The following PKNOX2 variants were observed in gnomAD, a reference collection of about 807,000 sequenced individuals.
PKNOX2 encodes the protein PBX/knotted 1 homeobox 2.
A neutral mutation model predicts 53.1 loss-of-function variants in PKNOX2; 14 were observed. The observed-to-expected ratio is 0.26, with a 90% confidence interval of 0.17 to 0.41. The LOEUF is 0.41. PKNOX2 is among the 10% of genes least tolerant of loss of function. The pLI, the probability that PKNOX2 is intolerant of heterozygous loss-of-function variation, is 1.00. For missense variants in PKNOX2, 496 were observed against 602.8 expected, an observed-to-expected ratio of 0.82 and a Z score of 1.85; for synonymous variants, 257 against 242.8, an observed-to-expected ratio of 1.06 and a Z score of -0.54.
intron 1 of PKNOX2, among the ~76,000 whole-genome samples, chr11:125,193,254 T>C (rs571811450): frequency 1.3e-5 from 2 of 152,224 alleles, no homozygotes; most frequent in Non-Finnish European, 2.9e-5. Flanking sequence ...TGCTGTTGTA[T>C]ATAAACTGCT....
In PKNOX2 at chr11:125,431,197, G is replaced by A. The variant is rs769904454; in HGVS notation, c.1224G>A (p.Leu408=). 57 of 1,613,776 alleles carry A rather than the reference G, an allele frequency of 3.5e-5. No individual in the cohort carries two copies. The East Asian group carries it at 5.6e-4, about 16-fold the overall frequency. The change falls in exon 13 of 13, where the codon CTG becomes CTA. Residue 408 remains leucine (L), a synonymous_variant. Transcript: ENST00000298282. ...GSINLDNLQS[L]SSDSATMAMQ... ...TCAACTTGGACAACCTGCAGTCCCTGTCCTCAGACAGTGCCACCATGGCCA... is the reference window on the plus strand; with the variant it reads ...TCAACTTGGACAACCTGCAGTCCCTATCCTCAGACAGTGCCACCATGGCCA...
At chr11:125,231,233 C>G (rs1450329809) in intron 1 of PKNOX2, among the ~76,000 whole-genome samples, 2 of 152,218 alleles carry the variant, frequency 1.3e-5, no homozygotes, top group Non-Finnish European at 2.9e-5. Flanking sequence ...TAATCTTCCT[C>G]TTTACCTGGA....
intron 2 of PKNOX2, among the ~76,000 whole-genome samples, chr11:125,318,030 C>A (rs1949307877): frequency 6.6e-6 from 1 of 152,234 alleles, no homozygotes; most frequent in African/African-American, 2.4e-5. Context: ...CTTGCTGCTT[C>A]ACCTTGCACT....
In PKNOX2 at chr11:125,432,728, T is replaced by G. The variant is rs575244525; in HGVS notation, c.*1336T>G. 2 of 152,838 alleles carry G rather than the reference T, an allele frequency of 1.3e-5. No homozygotes were observed. The highest frequency in any genetic ancestry group is 3.9e-4 in the East Asian group (2 of 5,164). 9.5% of individuals were successfully genotyped at this position (152,838 alleles called of 1,614,324 possible). A position where few individuals can be genotyped will look rare whatever the true frequency, so the allele number is the denominator to read the frequency against. ...GTTGGCACCCTCTCCTCCGGTTCCCTCTCACCCCATGGCTGTGAATGACAG... is the reference window on the plus strand; with the variant it reads ...GTTGGCACCCTCTCCTCCGGTTCCCGCTCACCCCATGGCTGTGAATGACAG... On this transcript the variant is annotated 3_prime_UTR_variant, in exon 13 of 13. Transcript: ENST00000298282.
intron 7 of PKNOX2, among the ~76,000 whole-genome samples, chr11:125,400,302 T>C (rs557957560): frequency 6.6e-6 from 1 of 152,264 alleles, no homozygotes; most frequent in East Asian, 1.9e-4. Flanking sequence ...GCTTCGGGGG[T>C]AAATACGGTG....
intron 7 of PKNOX2, among the ~76,000 whole-genome samples, chr11:125,405,100 A>G (rs1025907958): frequency 1.3e-5 from 2 of 151,990 alleles, no homozygotes; most frequent in African/African-American, 4.8e-5. Context: ...TCCGCACTGC[A>G]CCCCACTCCG....
intron 2 of PKNOX2, among the ~76,000 whole-genome samples, chr11:125,330,789 G>T (rs571684628): frequency 6.6e-6 from 1 of 151,214 alleles, no homozygotes; most frequent in African/African-American, 2.5e-5. Context: ...TGCAGCTCCC[G>T]GCCTGGCCCA....
intron 7 of PKNOX2, 195 bp from the exon 8 acceptor site, chr11:125,410,001 G>T: frequency 1.4e-6 from 1 of 699,838 alleles, no homozygotes. Context: ...TTTTGTTTTT[G>T]TTTTTTTTAA....
Position 125,172,072 on chromosome 11 carries a change from G to A in PKNOX2, c.-201+7296G>A, listed in dbSNP as rs11219941. 9.2e-4 allele frequency among the ~76,000 whole-genome samples: 140 copies of A among 152,292 alleles called. 1 individual carries two copies. In the East Asian group the frequency reaches 0.024, roughly 26 times the overall value. Reference sequence around the variant, plus strand: ...AGTGTTAGAGGAGGACTGGCTGAGCGGCTGGCCAGTGGGGGCATGAAACAT... The same window carrying A: ...AGTGTTAGAGGAGGACTGGCTGAGCAGCTGGCCAGTGGGGGCATGAAACAT... On this transcript the variant is annotated intron_variant, in intron 1 of 12. Coordinates refer to ENST00000298282, the MANE Select transcript of PKNOX2 (RefSeq NM_001382323.2).
chr11:125,264,572 G>C (rs191436864), intron 2 of PKNOX2, among the ~76,000 whole-genome samples: 1 of 152,156 alleles, frequency 6.6e-6, no homozygotes, highest in Admixed American at 6.5e-5. Flanking sequence ...GAGCATTCTC[G>C]GGTGGGGTGG....
chr11:125,419,027 G>A (rs1956032736), intron 10 of PKNOX2, among the ~76,000 whole-genome samples: 1 of 151,922 alleles, frequency 6.6e-6, no homozygotes, highest in Non-Finnish European at 1.5e-5. Flanking sequence ...ACTCTCTCTA[G>A]CTGTATCTCT....
At chr11:125,315,327 A>G (rs78178489) in intron 2 of PKNOX2, among the ~76,000 whole-genome samples, 42 of 147,902 alleles carry the variant, frequency 2.8e-4, no homozygotes, top group Non-Finnish European at 4.9e-4. Context: ...AAAAAAAAAA[A>G]ACACCTCTCT....
At chr11:125,180,095 G>A (rs772446088) in intron 1 of PKNOX2, among the ~76,000 whole-genome samples, 5 of 152,116 alleles carry the variant, frequency 3.3e-5, no homozygotes, top group African/African-American at 4.8e-5. Context: ...GAGGGCCCCC[G>A]CGTGTACTGG....
intron 2 of PKNOX2, among the ~76,000 whole-genome samples, chr11:125,247,988 G>C (rs1156595314): frequency 2.0e-5 from 3 of 152,140 alleles, no homozygotes; most frequent in Non-Finnish European, 2.9e-5. Context: ...CAGAGCCCCT[G>C]GCCTGAACCT....
chr11:125,337,359 A>C (rs1950480492), intron 3 of PKNOX2, among the ~76,000 whole-genome samples: 2 of 152,134 alleles, frequency 1.3e-5, no homozygotes, highest in South Asian at 4.1e-4. Flanking sequence ...TACAACCTCT[A>C]GTTATTTTTT....
At chr11:125,265,532 A>G (rs1179409648) in intron 2 of PKNOX2, among the ~76,000 whole-genome samples, 1 of 152,090 alleles carries the variant, frequency 6.6e-6, no homozygotes, top group Non-Finnish European at 1.5e-5. Context: ...CATCCCTGAC[A>G]CTGTTCTCTG....
chr11:125,190,147 A>G (rs2135340035), intron 1 of PKNOX2: 1 of 152,150 alleles, frequency 6.6e-6, no homozygotes. Flanking sequence ...GATGGTCTCG[A>G]TCTCTTGACC....
chr11:125,207,386 C>T (rs909006616), intron 1 of PKNOX2, among the ~76,000 whole-genome samples: 4 of 152,066 alleles, frequency 2.6e-5, no homozygotes, highest in South Asian at 2.1e-4. Context: ...ATGTGAGTGC[C>T]GTTAGCCCAT....
intron 5 of PKNOX2, among the ~76,000 whole-genome samples, chr11:125,381,431 T>C (rs1453239746): frequency 6.6e-6 from 1 of 152,098 alleles, no homozygotes; most frequent in African/African-American, 2.4e-5. Context: ...CTATGCTCCA[T>C]AGACTCTTAG....
Sources: gnomAD v4.1 joint callset for allele counts (sites outside exome capture counted in the v4.1 genomes callset) on GRCh38, gnomAD v4.1.1 for gene constraint, MANE v1.5 for transcripts, NCBI Gene and HGNC (gene_info 2026-07-23, HGNC 2026-07-21) for gene names.